The following PYY variants were observed in gnomAD, a reference collection of about 807,000 sequenced individuals.
PYY encodes the protein peptide tyrosine tyrosine.
PYY carries 12 observed loss-of-function variants against 10.3 expected under a neutral mutation model. The observed-to-expected ratio is 1.17, with a 90% CI of 0.75 to 1.89. PYY has a LOEUF of 1.89. Ranked by LOEUF, PYY falls within the 40% of genes most tolerant of loss-of-function variation. The pLI, the probability that PYY is intolerant of heterozygous loss-of-function variation, is 0.00. For missense variants in PYY, 141 were observed against 134.0 expected, an observed-to-expected ratio of 1.05 and a Z score of -0.26; for synonymous variants, 66 against 62.0, an observed-to-expected ratio of 1.06 and a Z score of -0.30.
chr17:43,993,035 C>T (rs953970818), intron 1 of PYY, among the ~76,000 whole-genome samples: 7 of 152,146 alleles, frequency 4.6e-5, no homozygotes, highest in South Asian at 2.1e-4. Flanking sequence ...AATGCTGCGC[C>T]GGGCGCTGCG....
At chr17:43,976,268 T>TATAC (rs2048841489) in intron 1 of PYY, among the ~76,000 whole-genome samples, 5 of 146,164 alleles carry the variant, frequency 3.4e-5, no homozygotes, top group African/African-American at 1.3e-4. Context: ...CATGTATACA[T>TATAC]GTACGTATAT....
intron 1 of PYY, among the ~76,000 whole-genome samples, chr17:43,996,022 A>G (rs2048990300): frequency 6.6e-6 from 1 of 152,054 alleles, no homozygotes; most frequent in Non-Finnish European, 1.5e-5. Context: ...ATATATATAT[A>G]TGAAAGAAAT....
chr17:43,998,999 G>C (rs77900930), intron 1 of PYY, among the ~76,000 whole-genome samples: 7,238 of 152,198 alleles, frequency 0.048, 222 homozygotes, highest in Middle Eastern at 0.099. Flanking sequence ...TGGTATTTAA[G>C]TCATAAAACT....
At chr17:43,968,974 G>T (rs1221480607) in intron 1 of PYY, among the ~76,000 whole-genome samples, 2 of 147,616 alleles carry the variant, frequency 1.4e-5, no homozygotes, top group Admixed American at 6.8e-5. Flanking sequence ...CAGGCATGGG[G>T]GCATGCGCCT....
rs1204358637 is a variant in PYY, at chr17:43,963,569, G to GAAAAGAAAGAAAGAAAGA, written c.-218+2701_-218+2718dup. Among the ~76,000 whole-genome samples, 1,117 of 74,912 alleles carry GAAAAGAAAGAAAGAAAGA rather than the reference G, an allele frequency of 0.015. 50 individuals are homozygous for GAAAAGAAAGAAAGAAAGA. The East Asian group carries it at 0.18, about 12-fold the overall frequency. 49.1% of individuals were successfully genotyped at this position (74,912 alleles called of 152,430 possible). A position where few individuals can be genotyped will look rare whatever the true frequency, so the allele number is the denominator to read the frequency against. ...GAAGGGAAGGAAGGAAGGAAGGAAG[G>GAAAAGAAAGAAAGAAAGA]AAAAGAAAGAAAGAAAGAAAGAAAG... On this transcript the variant is annotated intron_variant, in intron 2 of 6. Coordinates refer to the PYY transcript ENST00000360085.
Position 43,978,257 on chromosome 17 carries a change from GAGAA to G in PYY, c.-462-11729_-462-11726del, listed in dbSNP as rs573835017. On this transcript the variant is annotated intron_variant, in intron 1 of 6. Transcript: ENST00000360085. Reference sequence around the variant, plus strand: ...AGAAGAAAGGAAAGAAGGAAAGAAAGAGAAAGAAAGAGAGAGAGAGAGAAGGAAG... The same window carrying G: ...AGAAGAAAGGAAAGAAGGAAAGAAAGAGAAAGAGAGAGAGAGAGAAGGAAG... Among the ~76,000 whole-genome samples the G allele has an allele frequency of 7.4e-3, 1,102 of 149,242 alleles. 8 individuals are homozygous for G. The highest frequency in any genetic ancestry group is 0.016 in the Admixed American group (233 of 14,794).
chr17:43,953,989 G>A (rs1350564299), upstream of PYY: 5 of 154,088 alleles, frequency 3.2e-5, no homozygotes, highest in Non-Finnish European at 5.8e-5. Context: ...GAAAGGGAGG[G>A]GGAGTCCCAG....
At position 43,989,981 on chromosome 17, in the gene PYY, T is replaced by C. The variant is rs1323139165; in HGVS notation, c.-463+14410A>G. Among the ~76,000 whole-genome samples the C allele has an allele frequency of 2.0e-5, 3 of 147,982 alleles. 1 individual carries two copies. Among genetic ancestry groups the C allele is most frequent in the African/African-American group, 7.5e-5 (3 of 39,974 alleles). On this transcript the variant is annotated intron_variant, in intron 1 of 6. Coordinates refer to the PYY transcript ENST00000360085. ...AGACAAGTCCACTAGCAAGGAACCA[T>C]ACCAACATTGGCAACTAAAAAAGGC...
intron 1 of PYY, among the ~76,000 whole-genome samples, chr17:43,967,360 C>T (rs901660232): frequency 6.6e-6 from 1 of 152,150 alleles, no homozygotes; most frequent in African/African-American, 2.4e-5. Flanking sequence ...TCCCTTCACA[C>T]ACTGTGCAGG....
At chr17:43,954,739 T>G (rs541780853), upstream of PYY, among the ~76,000 whole-genome samples, 8 of 152,214 alleles carry the variant, frequency 5.3e-5, no homozygotes, top group Non-Finnish European at 1.2e-4. Flanking sequence ...CACTGGTGTC[T>G]TCTGGGCCTG....
In PYY at chr17:43,999,849, G is replaced by A. The variant is rs1266291771; in HGVS notation, c.-463+4542C>T. ...TGCTGGTGGGAATTTTGATGATGGAGCAGCAGAGGGAAGACTTCCTGGAGC... is the reference window on the plus strand; with the variant it reads ...TGCTGGTGGGAATTTTGATGATGGAACAGCAGAGGGAAGACTTCCTGGAGC... On this transcript the variant is annotated intron_variant, in intron 1 of 6. Coordinates refer to the PYY transcript ENST00000360085. Among the ~76,000 whole-genome samples, 3 of 152,040 alleles carry A rather than the reference G, an allele frequency of 2.0e-5. No individual in the cohort carries two copies. The East Asian group carries it at 5.8e-4, about 29-fold the overall frequency.
rs1487583941 is a variant in PYY at position 43,987,570 on chromosome 17, G to A, written c.-463+16821C>T. Among the ~76,000 whole-genome samples the A allele has an allele frequency of 6.6e-6, 1 of 152,234 alleles. No individual in the cohort carries two copies. Among genetic ancestry groups the A allele is most frequent in the Admixed American group, 6.5e-5 (1 of 15,276 alleles). ...ATCCAGCAATCTGTCTCCAGGTCTT[G>A]GAGCAGACAGCTCAGAATGACCACT... On this transcript the variant is annotated intron_variant, in intron 1 of 6. Transcript: ENST00000360085. This position sits in a 1 kb window ranked among gnomAD's most constrained non-coding sequence, Gnocchi z 4.0.
intron 1 of PYY, among the ~76,000 whole-genome samples, chr17:43,999,103 C>A (rs1395445757): frequency 6.6e-6 from 1 of 151,808 alleles, no homozygotes; most frequent in African/African-American, 2.4e-5. Context: ...AAGAGGAGGA[C>A]CAGGAAGGGA....
At chr17:43,976,758 C>A (rs557376384) in intron 1 of PYY, among the ~76,000 whole-genome samples, 2 of 152,216 alleles carry the variant, frequency 1.3e-5, no homozygotes, top group East Asian at 3.9e-4. Flanking sequence ...AGTGACACAG[C>A]GAGACTCTGT....
At chr17:43,983,175 T>A (rs537325264) in intron 1 of PYY, among the ~76,000 whole-genome samples, 2 of 152,114 alleles carry the variant, frequency 1.3e-5, no homozygotes, top group African/African-American at 4.8e-5. Flanking sequence ...GAGGTTGCAG[T>A]GGGCCAAGGT....
At chr17:43,978,396 C>A (rs427725) in intron 1 of PYY, among the ~76,000 whole-genome samples, 1 of 151,986 alleles carries the variant, frequency 6.6e-6, no homozygotes, top group African/African-American at 2.4e-5. Context: ...TAGCTCACAC[C>A]TGTAACCCCA....
intron 1 of PYY, among the ~76,000 whole-genome samples, chr17:44,003,196 C>T (rs2049042102): frequency 6.6e-6 from 1 of 152,070 alleles, no homozygotes; most frequent in Non-Finnish European, 1.5e-5. Flanking sequence ...TACTGCCTGG[C>T]TAATTTTTGT....
chr17:43,976,744 C>A (rs2048851606), intron 1 of PYY, among the ~76,000 whole-genome samples: 1 of 152,164 alleles, frequency 6.6e-6, no homozygotes, highest in South Asian at 2.1e-4. Context: ...TGCACTCCAG[C>A]CTCAGTGACA....
At chr17:43,956,379 C>T (rs1010861382), upstream of PYY, among the ~76,000 whole-genome samples, 2 of 151,826 alleles carry the variant, frequency 1.3e-5, no homozygotes, top group South Asian at 2.1e-4. Flanking sequence ...TGTTGATTAG[C>T]GGGGAAAATG....
Sources: gnomAD v4.1 joint callset for allele counts (sites outside exome capture counted in the v4.1 genomes callset) on GRCh38, gnomAD v4.1.1 for gene constraint, Gnocchi (gnomAD v3.1) non-coding constraint, MANE v1.5 for transcripts, NCBI Gene and HGNC (gene_info 2026-07-23, HGNC 2026-07-21) for gene names.